Variants in NIBAN1 observed in about 807,000 individuals in gnomAD.
NIBAN1 encodes the protein protein Niban 1.
Under a neutral mutation model 75.1 loss-of-function variants are expected in NIBAN1, and 81 were observed. That is an observed-to-expected ratio of 1.08 (90% confidence interval 0.90 to 1.30). The LOEUF is 1.30. Ranked by LOEUF, NIBAN1 falls within the 50% of genes most tolerant of loss-of-function variation. The probability of loss-of-function intolerance (pLI) is 0.00; values close to 1 mark genes in which losing one functional copy is unlikely to be tolerated. For synonymous variants in NIBAN1, 436 were observed against 424.8 expected (o/e 1.03, Z -0.32); for missense variants, 1,133 against 1,128.1 (o/e 1.00, Z -0.06).
intron 5 of NIBAN1, among the ~76,000 whole-genome samples, chr1:184,866,899 A>G (rs1655971833): frequency 6.6e-6 from 1 of 152,232 alleles, no homozygotes; most frequent in African/African-American, 2.4e-5. Context: ...CAAGGTATCT[A>G]TGAAAGAAAG....
chr1:184,923,558 G>A (rs747699164), intron 1 of NIBAN1, among the ~76,000 whole-genome samples: 1 of 152,106 alleles, frequency 6.6e-6, no homozygotes, highest in Non-Finnish European at 1.5e-5. Flanking sequence ...GTCTTTTGTG[G>A]TTCCATATAA....
intron 5 of NIBAN1, among the ~76,000 whole-genome samples, chr1:184,854,265 G>C (rs1276020507): frequency 1.3e-5 from 2 of 152,088 alleles, no homozygotes; most frequent in Non-Finnish European, 2.9e-5. Context: ...CAGAGGAGGA[G>C]GCAATGAAAG....
intron 5 of NIBAN1, among the ~76,000 whole-genome samples, chr1:184,870,457 G>A (rs899390846): frequency 6.6e-6 from 1 of 152,158 alleles, no homozygotes; most frequent in African/African-American, 2.4e-5. Flanking sequence ...CTGAAACATG[G>A]ATCCCTAAAA....
chr1:184,956,095 C>G (rs1350933918), intron 1 of NIBAN1, among the ~76,000 whole-genome samples: 2 of 151,758 alleles, frequency 1.3e-5, no homozygotes, highest in Non-Finnish European at 2.9e-5. Context: ...TGTGCAATCA[C>G]AGCTCACTGC....
At chr1:184,972,034 A>G (rs187783904) in intron 1 of NIBAN1, among the ~76,000 whole-genome samples, 1 of 152,346 alleles carries the variant, frequency 6.6e-6, no homozygotes, top group East Asian at 1.9e-4. Flanking sequence ...GTCTTAAAGT[A>G]AAGGCTGATT....
At chr1:184,913,634 T>C (rs535484731) in intron 1 of NIBAN1, among the ~76,000 whole-genome samples, 65 of 152,332 alleles carry the variant, frequency 4.3e-4, no homozygotes, top group African/African-American at 1.5e-3. Flanking sequence ...TTTATGTACA[T>C]TGCAGATTTT....
intron 5 of NIBAN1, among the ~76,000 whole-genome samples, chr1:184,878,445 G>A (rs1644694452): frequency 6.6e-6 from 1 of 152,078 alleles, no homozygotes; most frequent in Admixed American, 6.5e-5. Context: ...AATCATACAT[G>A]GTTTGCATTT....
At chr1:184,852,221 C>T (rs1212181638) in intron 5 of NIBAN1, among the ~76,000 whole-genome samples, 1 of 152,208 alleles carries the variant, frequency 6.6e-6, no homozygotes, top group African/African-American at 2.4e-5. Flanking sequence ...CTGCCTCCTT[C>T]AAATGTTCTG....
chr1:184,809,435 G>A (rs1654302271), intron 9 of NIBAN1, among the ~76,000 whole-genome samples: 2 of 152,182 alleles, frequency 1.3e-5, no homozygotes, highest in African/African-American at 4.8e-5. Flanking sequence ...GCTGATAGCA[G>A]TATGGGGGAG....
intron 1 of NIBAN1, among the ~76,000 whole-genome samples, chr1:184,949,330 C>A (rs1658304315): frequency 1.3e-5 from 2 of 152,120 alleles, no homozygotes; most frequent in Admixed American, 1.3e-4. Flanking sequence ...TGCACTACAG[C>A]CTGGGCGACA....
intron 5 of NIBAN1, among the ~76,000 whole-genome samples, chr1:184,836,114 A>G (rs1029268959): frequency 6.6e-6 from 1 of 152,240 alleles, no homozygotes. Context: ...AACAAAAATT[A>G]AAGTCTTGCT....
chr1:184,902,103 T>A (rs1341244528), intron 1 of NIBAN1, among the ~76,000 whole-genome samples: 1 of 152,088 alleles, frequency 6.6e-6, no homozygotes, highest in Admixed American at 6.6e-5. Flanking sequence ...GCTTGGTGGC[T>A]CTTGCTTGTA....
At chr1:184,901,397 C>G (rs944822142) in intron 1 of NIBAN1, among the ~76,000 whole-genome samples, 1 of 152,190 alleles carries the variant, frequency 6.6e-6, no homozygotes, top group Non-Finnish European at 1.5e-5. Context: ...CTTTAATATA[C>G]TCAGGCTTTA....
At chr1:184,955,500 G>A (rs1460692184) in intron 1 of NIBAN1, among the ~76,000 whole-genome samples, 3 of 151,634 alleles carry the variant, frequency 2.0e-5, no homozygotes, top group Middle Eastern at 3.2e-3. Context: ...CACCACGCCC[G>A]GCTAAATTTT....
chr1:184,956,510 G>A (rs746197595), intron 1 of NIBAN1, among the ~76,000 whole-genome samples: 1 of 152,120 alleles, frequency 6.6e-6, no homozygotes, highest in Admixed American at 6.5e-5. Context: ...CACCAATAGA[G>A]CTCACAGATG....
At chr1:184,935,772 A>C (rs79047290) in intron 1 of NIBAN1, among the ~76,000 whole-genome samples, 1,768 of 149,580 alleles carry the variant, frequency 0.012, 29 homozygotes, top group African/African-American at 0.04. Context: ...AGGGACACCA[A>C]CTAAGTCAAG....
chr1:184,825,219 T>G (rs1557878388), intron 6 of NIBAN1, among the ~76,000 whole-genome samples: 2 of 152,222 alleles, frequency 1.3e-5, no homozygotes, highest in African/African-American at 2.4e-5. Flanking sequence ...TTAAACAACA[T>G]GCTACATGTG....
intron 5 of NIBAN1, among the ~76,000 whole-genome samples, chr1:184,882,180 C>T (rs1240119711): frequency 6.6e-6 from 1 of 152,138 alleles, no homozygotes; most frequent in African/African-American, 2.4e-5. Context: ...TGGCCCTTAT[C>T]CCAGCCCTAA....
At chr1:184,845,329 C>T (rs1655408143) in intron 5 of NIBAN1, among the ~76,000 whole-genome samples, 1 of 152,126 alleles carries the variant, frequency 6.6e-6, no homozygotes, top group Non-Finnish European at 1.5e-5. Context: ...TAACAACAAG[C>T]TTAAACAAAA....
Sources: allele counts gnomAD v4.1 joint callset (sites outside exome capture counted in the v4.1 genomes callset), GRCh38; gene constraint gnomAD v4.1.1; transcripts MANE v1.5; gene names NCBI Gene and HGNC (gene_info 2026-07-23, HGNC 2026-07-21).